TRIO: variants seen among roughly 807,000 people sequenced by gnomAD.
TRIO encodes the protein triple functional domain protein.
A neutral mutation model predicts 351.9 loss-of-function variants in TRIO; 58 were observed. That is an observed-to-expected ratio of 0.16 (90% CI 0.13 to 0.21). The LOEUF (loss-of-function observed/expected upper bound fraction) is 0.21. Among genes scored for constraint, TRIO ranks in the 10% least tolerant of loss-of-function variants. The pLI is 1.00. For missense variants in TRIO, 3,201 were observed against 4,027.8 expected (o/e 0.79, Z 5.56); for synonymous variants, 1,758 against 1,595.7 (o/e 1.10, Z -2.42).
intron 1 of TRIO, among the ~76,000 whole-genome samples, chr5:14,258,258 G>C (rs1301473178): frequency 6.6e-6 from 1 of 152,294 alleles, no homozygotes; most frequent in South Asian, 2.1e-4. Flanking sequence ...CTTTTAAGGT[G>C]GCTGCTTGTA....
At chr5:14,346,139 G>C (rs553569112) in intron 11 of TRIO, among the ~76,000 whole-genome samples, 1 of 152,122 alleles carries the variant, frequency 6.6e-6, no homozygotes, top group South Asian at 2.1e-4. Context: ...AGGCTTTTTG[G>C]GTTTTGTTAT....
intron 49 of TRIO, among the ~76,000 whole-genome samples, chr5:14,493,088 T>C (rs773698022): frequency 5.9e-5 from 9 of 152,208 alleles, no homozygotes; most frequent in Non-Finnish European, 1.2e-4. Context: ...TAGTCATAAC[T>C]CAAGAAAGTG....
intron 13 of TRIO, among the ~76,000 whole-genome samples, chr5:14,363,336 T>C (rs1744318241): frequency 6.6e-6 from 1 of 152,202 alleles, no homozygotes; most frequent in Admixed American, 6.5e-5. Context: ...CCAAATACTT[T>C]TTCTTTTCTT....
At chr5:14,453,805 T>G (rs1753027045) in intron 34 of TRIO, among the ~76,000 whole-genome samples, 1 of 152,202 alleles carries the variant, frequency 6.6e-6, no homozygotes, top group South Asian at 2.1e-4. Flanking sequence ...CTGAAGGCAT[T>G]CTTGCTGATG....
At position 14,336,245 on chromosome 5, in the gene TRIO, G is replaced by A. The variant is rs1001310370; in HGVS notation, c.1855-291G>A. Among the ~76,000 whole-genome samples, 13 of 152,298 alleles carry A rather than the reference G, an allele frequency of 8.5e-5. No individual in the cohort carries two copies. The East Asian group carries it at 2.5e-3, about 29-fold the overall frequency. ...CCTGACTCCACCTTGGCAAAAATCT[G>A]AAAGCTCTGAGTCACAAGACAGCCA... On this transcript the variant is annotated intron_variant, in intron 10 of 56. Coordinates refer to ENST00000344204, the MANE Select transcript of TRIO (RefSeq NM_007118.4).
At chr5:14,429,186 C>G (rs1561481154) in intron 34 of TRIO, among the ~76,000 whole-genome samples, 1 of 152,160 alleles carries the variant, frequency 6.6e-6, no homozygotes, top group Admixed American at 6.5e-5. Context: ...GGGGAACAAT[C>G]ATATAATTCC....
chr5:14,456,130 C>T (rs1753280658), intron 34 of TRIO, among the ~76,000 whole-genome samples: 1 of 152,262 alleles, frequency 6.6e-6, no homozygotes, highest in Non-Finnish European at 1.5e-5. Context: ...CCCCTCGCTG[C>T]CTGGGGCCAG....
At chr5:14,488,898 C>T (rs771570972) in intron 48 of TRIO, 2 of 752,386 alleles carry the variant, frequency 2.7e-6, no homozygotes, top group Non-Finnish European at 4.9e-6. Flanking sequence ...TGGGGCCGGT[C>T]CCTGCGGCCT....
At chr5:14,397,875 G>T (rs1747744095) in intron 29 of TRIO, among the ~76,000 whole-genome samples, 2 of 152,070 alleles carry the variant, frequency 1.3e-5, no homozygotes, top group Non-Finnish European at 1.5e-5. Flanking sequence ...CGCCCTTCAT[G>T]ATGTCATCCA....
At chr5:14,319,335 G>C (rs1488478247) in intron 9 of TRIO, among the ~76,000 whole-genome samples, 3 of 152,172 alleles carry the variant, frequency 2.0e-5, no homozygotes, top group African/African-American at 7.2e-5. Context: ...TGACTTGTGA[G>C]GTAAAGAGTG....
chr5:14,282,415 T>G (rs1736081713), intron 3 of TRIO, among the ~76,000 whole-genome samples: 1 of 152,216 alleles, frequency 6.6e-6, no homozygotes, highest in African/African-American at 2.4e-5. Context: ...TGATATTCAC[T>G]CTTGTGAATT....
At chr5:14,268,132 C>A (rs926885882) in intron 1 of TRIO, among the ~76,000 whole-genome samples, 1 of 152,218 alleles carries the variant, frequency 6.6e-6, no homozygotes, top group African/African-American at 2.4e-5. Flanking sequence ...GTTAACATAA[C>A]TACAGCTCTG....
chr5:14,433,206 A>G (rs921305077), intron 34 of TRIO, among the ~76,000 whole-genome samples: 9 of 152,254 alleles, frequency 5.9e-5, no homozygotes, highest in African/African-American at 1.9e-4. Context: ...AAGATAGTAA[A>G]TAAAGCAATG....
At chr5:14,411,267 C>G (rs927589366) in intron 33 of TRIO, among the ~76,000 whole-genome samples, 3 of 152,164 alleles carry the variant, frequency 2.0e-5, no homozygotes, top group East Asian at 1.9e-4. Flanking sequence ...AATTTTTTCC[C>G]TGTCTCTTCC....
At chr5:14,200,987 G>A (rs1791071809) in intron 1 of TRIO, among the ~76,000 whole-genome samples, 1 of 151,918 alleles carries the variant, frequency 6.6e-6, no homozygotes, top group Non-Finnish European at 1.5e-5. Flanking sequence ...GGCTGGGCGC[G>A]GTGGCTCACG....
rs907182854 is a variant in TRIO, at chr5:14,508,595, G to A, written c.*173G>A. On this transcript the variant is annotated 3_prime_UTR_variant, in exon 57 of 57. Coordinates refer to ENST00000344204, the MANE Select transcript of TRIO (RefSeq NM_007118.4). ...GCTTGGACACAGAGCTGCAAGCTGC[G>A]CTGGGGTGGAGGACCGTCACTTACA... 4.8e-5 allele frequency: 39 copies of A among 806,254 alleles called. No homozygotes were observed. In the African/African-American group the frequency reaches 5.4e-4, roughly 11 times the overall value. The allele number at this position is 806,254 out of a possible 1,614,324, so 49.9% of individuals were successfully genotyped here.
chr5:14,214,740 A>T (rs1792118773), intron 1 of TRIO, among the ~76,000 whole-genome samples: 1 of 152,212 alleles, frequency 6.6e-6, no homozygotes, highest in African/African-American at 2.4e-5. Flanking sequence ...CACTTTGATG[A>T]TACAGGACCT....
At chr5:14,496,236 T>A (rs1756887317) in intron 49 of TRIO, among the ~76,000 whole-genome samples, 1 of 152,224 alleles carries the variant, frequency 6.6e-6, no homozygotes, top group African/African-American at 2.4e-5. Flanking sequence ...TTGATGTGGC[T>A]CACTTTGTTG....
chr5:14,472,321 T>A (rs1754751537), intron 38 of TRIO, among the ~76,000 whole-genome samples: 1 of 152,234 alleles, frequency 6.6e-6, no homozygotes, highest in Non-Finnish European at 1.5e-5. Context: ...TTCATTGTTG[T>A]CCCTGTATGT....
Sources: gnomAD v4.1 joint callset for allele counts (sites outside exome capture counted in the v4.1 genomes callset) on GRCh38, gnomAD v4.1.1 for gene constraint, MANE v1.5 for transcripts, NCBI Gene and HGNC (gene_info 2026-07-23, HGNC 2026-07-21) for gene names.